The following LHX8 variants were observed in gnomAD, a reference collection of about 807,000 sequenced individuals.
LHX8 encodes the protein LIM/homeobox protein Lhx8.
In LHX8, 12 loss-of-function variants were observed where a neutral mutation model predicts 40.3. The observed-to-expected ratio is 0.30, with a 90% CI of 0.19 to 0.48. LHX8 has a LOEUF of 0.48. Ranked by LOEUF, LHX8 falls within the 20% of genes least tolerant of loss-of-function variation. The probability of loss-of-function intolerance (pLI) is 0.99; values close to 1 mark genes in which losing one functional copy is unlikely to be tolerated. For missense variants in LHX8, 344 were observed against 433.7 expected (o/e 0.79, Z 1.84); for synonymous variants, 179 against 162.0 (o/e 1.10, Z -0.80).
the LHX8 span, among the ~76,000 whole-genome samples, chr1:75,185,416 G>A: frequency 6.6e-6 from 1 of 152,026 alleles, no homozygotes; most frequent in Non-Finnish European, 1.5e-5. Flanking sequence ...GATCAAGTAG[G>A]CTTTATCCCT....
chr1:75,180,510 G>A, the LHX8 span, among the ~76,000 whole-genome samples: 8 of 152,170 alleles, frequency 5.3e-5, no homozygotes, highest in African/African-American at 1.4e-4. Context: ...CATGTGTCAC[G>A]TAGTTCTCAT....
chr1:75,192,674 G>T, the LHX8 span, among the ~76,000 whole-genome samples: 7 of 150,400 alleles, frequency 4.7e-5, no homozygotes, highest in Admixed American at 1.3e-4. Flanking sequence ...CATACATTGT[G>T]TCCAGGCGCT....
the LHX8 span, among the ~76,000 whole-genome samples, chr1:75,170,076 A>T: frequency 0.011 from 1,618 of 152,092 alleles, 35 homozygotes; most frequent in African/African-American, 0.037. Flanking sequence ...TTGGATTCTT[A>T]CCTCTATGCT....
At chr1:75,130,492 C>T (rs1419208633), upstream of LHX8, 4 of 603,994 alleles carry the variant, frequency 6.6e-6, no homozygotes, top group Non-Finnish European at 1.2e-5. Context: ...GCAGGCTTGC[C>T]CAGCTGGGAA....
downstream of LHX8, among the ~76,000 whole-genome samples, chr1:75,164,838 AT>A (rs138322863): frequency 2.0e-5 from 3 of 150,378 alleles, no homozygotes; most frequent in East Asian, 1.9e-4. Context: ...CACCACACAA[AT>A]TTTTTTTTGT....
chr1:75,130,408 A>G (rs940878707), upstream of LHX8: 2 of 526,792 alleles, frequency 3.8e-6, no homozygotes, highest in African/African-American at 1.9e-5. Context: ...ATCAGACCGC[A>G]GTGAGGAATG....
At chr1:75,164,609 C>T (rs1648993620), downstream of LHX8, among the ~76,000 whole-genome samples, 1 of 152,078 alleles carries the variant, frequency 6.6e-6, no homozygotes, top group Non-Finnish European at 1.5e-5. Flanking sequence ...CTTGTCTGTC[C>T]TGCCTAAATT....
chr1:75,147,493 G>A (rs1424988824), intron 6 of LHX8, among the ~76,000 whole-genome samples: 1 of 152,174 alleles, frequency 6.6e-6, no homozygotes, highest in Non-Finnish European at 1.5e-5. Context: ...TAGCTACCCT[G>A]TGACAAGTGC....
At chr1:75,171,664 A>G in the LHX8 span, among the ~76,000 whole-genome samples, 5 of 152,146 alleles carry the variant, frequency 3.3e-5, no homozygotes, top group African/African-American at 1.2e-4. Context: ...CAAAAATGCT[A>G]CTGAACTGTT....
the LHX8 span, among the ~76,000 whole-genome samples, chr1:75,191,553 G>A: frequency 6.6e-6 from 1 of 152,122 alleles, no homozygotes; most frequent in South Asian, 2.1e-4. Context: ...CTTGATCCTG[G>A]TCTAAGGAAA....
upstream of LHX8, chr1:75,130,461 T>TG (rs1254760135): frequency 1.8e-4 from 101 of 575,052 alleles, 1 homozygote; most frequent in African/African-American, 1.8e-3. Flanking sequence ...CGCCAGTGGA[T>TG]TCCCGGGTGT....
At chr1:75,135,657 A>C (rs1430343266) in intron 1 of LHX8, among the ~76,000 whole-genome samples, 1 of 152,240 alleles carries the variant, frequency 6.6e-6, no homozygotes, top group Non-Finnish European at 1.5e-5. Flanking sequence ...AAAGCGGTCT[A>C]AGCCCAGGGA....
chr1:75,141,938 A>G (rs1648324069), intron 4 of LHX8, among the ~76,000 whole-genome samples: 1 of 152,148 alleles, frequency 6.6e-6, no homozygotes, highest in Non-Finnish European at 1.5e-5. Context: ...GAGTTTAGTG[A>G]TTAATTTGAA....
At chr1:75,190,370 T>C in the LHX8 span, among the ~76,000 whole-genome samples, 1 of 152,194 alleles carries the variant, frequency 6.6e-6, no homozygotes, top group African/African-American at 2.4e-5. Context: ...TTTTTCTTTT[T>C]GAATAAAAAG....
intron 8 of LHX8, chr1:75,159,298 T>A (rs765802163): frequency 1.3e-5 from 2 of 152,162 alleles, no homozygotes; most frequent in African/African-American, 4.8e-5. Flanking sequence ...TTTCCTCAAC[T>A]TTTTTCTTTG....
At chr1:75,143,014 AGG>A (rs1648358474) in intron 4 of LHX8, 102 bp from the exon 5 acceptor site, 10 of 837,728 alleles carry the variant, frequency 1.2e-5, no homozygotes, top group Non-Finnish European at 1.8e-5. Flanking sequence ...TTAAATACTT[AGG>A]TTATTTCAAT....
chr1:75,164,295 A>G (rs1648988357), downstream of LHX8, among the ~76,000 whole-genome samples: 1 of 152,168 alleles, frequency 6.6e-6, no homozygotes, highest in South Asian at 2.1e-4. Flanking sequence ...TAAAAAATTG[A>G]TATGTCCACT....
the LHX8 span, among the ~76,000 whole-genome samples, chr1:75,174,331 C>T: frequency 6.6e-6 from 1 of 152,168 alleles, no homozygotes; most frequent in Admixed American, 6.5e-5. Flanking sequence ...GGCCCCTGTT[C>T]CTGCCAGCTG....
intron 7 of LHX8, among the ~76,000 whole-genome samples, chr1:75,155,029 C>T (rs1372756397): frequency 6.6e-6 from 1 of 152,090 alleles, no homozygotes; most frequent in East Asian, 1.9e-4. Context: ...CATTAATCAG[C>T]CCTGATTGCC....
Sources: allele counts gnomAD v4.1 joint callset (sites outside exome capture counted in the v4.1 genomes callset), GRCh38; gene constraint gnomAD v4.1.1; transcripts MANE v1.5; gene names NCBI Gene and HGNC (gene_info 2026-07-23, HGNC 2026-07-21).